Variants in PHF24 observed in about 807,000 individuals in gnomAD.
PHF24 encodes PHD finger protein 24.
Under a neutral mutation model 42.6 loss-of-function variants are expected in PHF24, and 25 were observed. That is an observed-to-expected ratio of 0.59 (90% CI 0.43 to 0.82). The LOEUF is 0.82. PHF24 is among the 40% of genes least tolerant of loss of function. PHF24 has a pLI of 0.00. For missense variants in PHF24, 470 were observed against 538.1 expected, an observed-to-expected ratio of 0.87 and a Z score of 1.25; for synonymous variants, 185 against 204.8, an observed-to-expected ratio of 0.90 and a Z score of 0.83.
the PHF24 span, among the ~76,000 whole-genome samples, chr9:34,816,583 G>A: frequency 3.3e-5 from 5 of 152,088 alleles, no homozygotes; most frequent in South Asian, 2.1e-4. Context: ...GTGCCTTCTC[G>A]CTGTGTCCTC....
chr9:34,704,960 T>C, the PHF24 span, among the ~76,000 whole-genome samples: 3 of 152,208 alleles, frequency 2.0e-5, no homozygotes, highest in Non-Finnish European at 4.4e-5. Context: ...GCTTCTGTGG[T>C]TCTGTGATAA....
At chr9:34,687,158 T>C in the PHF24 span, among the ~76,000 whole-genome samples, 1 of 152,152 alleles carries the variant, frequency 6.6e-6, no homozygotes, top group African/African-American at 2.4e-5. Context: ...GACTCTGGTG[T>C]CCACCCCTTC....
chr9:34,833,172 G>T, the PHF24 span: 20 of 1,547,590 alleles, frequency 1.3e-5, no homozygotes, highest in East Asian at 4.9e-4. Flanking sequence ...TTTCCTGCTA[G>T]CATGGGGACA....
At chr9:34,909,547 C>G in the PHF24 span, among the ~76,000 whole-genome samples, 8 of 151,962 alleles carry the variant, frequency 5.3e-5, no homozygotes, top group African/African-American at 1.4e-4. Context: ...GCAATTGCAG[C>G]AAACACTTAA....
the PHF24 span, chr9:34,922,570 A>G: frequency 2.1e-6 from 2 of 970,006 alleles, no homozygotes; most frequent in South Asian, 2.6e-5. Flanking sequence ...ATTTTCAAAT[A>G]GAAGAATTTG....
the PHF24 span, among the ~76,000 whole-genome samples, chr9:34,713,343 C>T: frequency 6.6e-6 from 1 of 152,152 alleles, no homozygotes; most frequent in Non-Finnish European, 1.5e-5. Flanking sequence ...AAATGCAAAA[C>T]CCCTCATTTT....
the PHF24 span, among the ~76,000 whole-genome samples, chr9:34,910,479 G>A: frequency 6.6e-6 from 1 of 152,148 alleles, no homozygotes; most frequent in Non-Finnish European, 1.5e-5. Context: ...TACAAAATAA[G>A]TATGTGAGGT....
At chr9:34,946,998 CTCT>C in the PHF24 span, among the ~76,000 whole-genome samples, 5 of 152,230 alleles carry the variant, frequency 3.3e-5, no homozygotes, top group African/African-American at 7.2e-5. Flanking sequence ...TTCTTTTCTC[CTCT>C]TCTTCTACCA....
the PHF24 span, among the ~76,000 whole-genome samples, chr9:34,774,777 C>T: frequency 8.6e-5 from 13 of 151,664 alleles, no homozygotes; most frequent in African/African-American, 2.7e-4. Context: ...CCATCTCACA[C>T]ATACACAAAA....
At chr9:34,851,436 T>C in the PHF24 span, among the ~76,000 whole-genome samples, 10 of 152,080 alleles carry the variant, frequency 6.6e-5, no homozygotes, top group African/African-American at 2.4e-4. Context: ...TGGTGCGCCG[T>C]TTTTTAAGCC....
chr9:34,846,538 A>G, the PHF24 span, among the ~76,000 whole-genome samples: 2 of 151,418 alleles, frequency 1.3e-5, no homozygotes, highest in African/African-American at 4.9e-5. Context: ...ATTTTCTCCC[A>G]TTTTGTAGGT....
the PHF24 span, among the ~76,000 whole-genome samples, chr9:34,695,832 A>G: frequency 7.6e-4 from 116 of 152,234 alleles, no homozygotes; most frequent in Middle Eastern, 6.8e-3. Flanking sequence ...GGAGTGTGCT[A>G]TCTGTTTCCT....
At chr9:34,736,300 C>CA in the PHF24 span, among the ~76,000 whole-genome samples, 120,227 of 151,606 alleles carry the variant, frequency 0.79, 48,400 homozygotes, top group East Asian at 0.95. Context: ...AGGGGTTTTT[C>CA]AAAAAAAGAA....
chr9:34,734,053 G>T, the PHF24 span, among the ~76,000 whole-genome samples: 1 of 152,086 alleles, frequency 6.6e-6, no homozygotes, highest in Non-Finnish European at 1.5e-5. Flanking sequence ...TACAACAAAA[G>T]AAATCACACA....
At chr9:34,722,431 C>A in the PHF24 span, among the ~76,000 whole-genome samples, 1 of 152,008 alleles carries the variant, frequency 6.6e-6, no homozygotes, top group African/African-American at 2.4e-5. Flanking sequence ...GGTAGAAAAC[C>A]AGTTCGTTTA....
the PHF24 span, among the ~76,000 whole-genome samples, chr9:34,831,415 G>C: frequency 6.6e-6 from 1 of 152,128 alleles, no homozygotes; most frequent in Non-Finnish European, 1.5e-5. Flanking sequence ...GTAGGCCTGG[G>C]TACAAGCTGC....
At chr9:34,682,150 A>ATTTTTTTTTTTTT in the PHF24 span, among the ~76,000 whole-genome samples, 1 of 93,098 alleles carries the variant, frequency 1.1e-5, no homozygotes, top group East Asian at 3.5e-4. Context: ...AATTATTTCT[A>ATTTTTTTTTTTTT]TTTTTTTTTT....
At chr9:34,723,520 C>T in the PHF24 span, 89 of 1,551,820 alleles carry the variant, frequency 5.7e-5, no homozygotes, top group African/African-American at 9.7e-4. Context: ...TGGCCACCTT[C>T]GCAGCGGCTG....
At chr9:34,672,090 T>C in the PHF24 span, among the ~76,000 whole-genome samples, 1 of 152,230 alleles carries the variant, frequency 6.6e-6, no homozygotes, top group African/African-American at 2.4e-5. Context: ...ATGACAAATC[T>C]ATGAAGTGGA....
Sources: gnomAD v4.1 joint callset for allele counts (sites outside exome capture counted in the v4.1 genomes callset) on GRCh38, gnomAD v4.1.1 for gene constraint, MANE v1.5 for transcripts, NCBI Gene and HGNC (gene_info 2026-07-23, HGNC 2026-07-21) for gene names.